ABCC1: variants seen among roughly 807,000 people sequenced by gnomAD.
ABCC1 encodes the protein multidrug resistance-associated protein 1.
ABCC1 carries 83 observed loss-of-function variants against 172.9 expected under a neutral mutation model. The ratio of observed to expected loss-of-function variants is 0.48; its 90% CI spans 0.40 to 0.58. The LOEUF (loss-of-function observed/expected upper bound fraction) is 0.58. Ranked by LOEUF, ABCC1 falls within the 20% of genes least tolerant of loss-of-function variation. The pLI is 0.00. For synonymous variants in ABCC1, 937 were observed against 825.2 expected (o/e 1.14, Z -2.32); for missense variants, 1,817 against 2,002.7 (o/e 0.91, Z 1.77).
At chr16:15,961,834 T>G (rs886412551) in intron 1 of ABCC1, among the ~76,000 whole-genome samples, 3 of 151,898 alleles carry the variant, frequency 2.0e-5, no homozygotes, top group African/African-American at 7.3e-5. Context: ...GAGCCATGTA[T>G]TCACCCATTC....
Position 15,958,695 on chromosome 16 carries a change from C to A in ABCC1, c.48+8896C>A, listed in dbSNP as rs577575084. Among the ~76,000 whole-genome samples, 15 of 152,308 alleles carry A rather than the reference C, an allele frequency of 9.8e-5. No homozygotes were observed. In the South Asian group the frequency reaches 2.1e-3, roughly 21 times the overall value. On this transcript the variant is annotated intron_variant, in intron 1 of 30. Transcript: ENST00000399410. ...AGACATCCTGAGGCAAGCTTCCCCCCGCTTAGCAAGAAAACTGGGATAGGG... is the reference window on the plus strand; with the variant it reads ...AGACATCCTGAGGCAAGCTTCCCCCAGCTTAGCAAGAAAACTGGGATAGGG...
chr16:16,057,172 T>C (rs1313835212), intron 12 of ABCC1, among the ~76,000 whole-genome samples: 1 of 144,660 alleles, frequency 6.9e-6, no homozygotes, highest in African/African-American at 2.6e-5. Context: ...TGAAACCCTG[T>C]TACTGCTTAA....
intron 23 of ABCC1, among the ~76,000 whole-genome samples, chr16:16,116,493 T>C (rs1453218259): frequency 1.3e-5 from 2 of 152,200 alleles, no homozygotes; most frequent in East Asian, 1.9e-4. Context: ...AGCAGTAATT[T>C]ATAATAATAA....
chr16:16,124,371 GCCCGGC>G (rs2045328555), intron 24 of ABCC1, among the ~76,000 whole-genome samples: 1 of 99,960 alleles, frequency 1.0e-5, no homozygotes, highest in Non-Finnish European at 2.0e-5. Flanking sequence ...GACCCACTAC[GCCCGGC>G]TGTGTGTGTG....
chr16:16,036,838 G>C (rs1055051594), intron 7 of ABCC1, among the ~76,000 whole-genome samples: 16 of 152,222 alleles, frequency 1.1e-4, no homozygotes, highest in African/African-American at 3.6e-4. Flanking sequence ...GGGTGCGGTG[G>C]CTCTCGTGTC....
rs530997571 is a variant in ABCC1 at position 15,964,544 on chromosome 16, A to G, written c.48+14745A>G. 9.1e-4 allele frequency among the ~76,000 whole-genome samples: 138 copies of G among 152,214 alleles called. 1 individual carries two copies. Among genetic ancestry groups the G allele is most frequent in the African/African-American group, 3.2e-3 (134 of 41,514 alleles). On this transcript the variant is annotated intron_variant, in intron 1 of 30. Coordinates refer to ENST00000399410, the MANE Select transcript of ABCC1 (RefSeq NM_004996.4). ...GACACAGAGCCAGACCATATCAGTA[A>G]TCTCTTGGGCTAACCAATAACCAAT...
At chr16:16,122,744 CATG>C (rs2045226796) in intron 24 of ABCC1, among the ~76,000 whole-genome samples, 1 of 147,440 alleles carries the variant, frequency 6.8e-6, no homozygotes, top group Non-Finnish European at 1.5e-5. Context: ...AGTAGCCCAT[CATG>C]GTGGTGTGTG....
chr16:16,009,800 G>T lies in ABCC1; in HGVS notation c.250G>T (p.Val84Phe), dbSNP rs766733775. The T allele has an allele frequency of 3.4e-5, 54 of 1,607,560 alleles. No homozygotes were observed. The highest frequency in any genetic ancestry group is 4.4e-5 in the Non-Finnish European group (52 of 1,177,374). ...GGCCTTGGGATTTTTGCTGTGGATC[G>T]TCTGCTGGGCAGACCTCTTCTACTC... The part of the protein sequence containing the change: ...KTALGFLLWI[V>F]CWADLFYSFW... Residue 84 changes from valine to phenylalanine, a missense_variant, in exon 3 of 31, where the codon GTC becomes TTC. Val to Phe is a conservative substitution (Grantham distance 50). Around this residue, in one of 3 missense-constraint regions of ABCC1, gnomAD observed 398 missense variants for 384.2 expected, o/e 1.04. Coordinates refer to ENST00000399410, the MANE Select transcript of ABCC1 (RefSeq NM_004996.4).
chr16:16,052,686 G>C (rs761649104), intron 10 of ABCC1, 38 bp from the exon 11 acceptor site: 24 of 1,603,434 alleles, frequency 1.5e-5, no homozygotes, highest in Middle Eastern at 1.7e-4. Context: ...GTTTTCTTCT[G>C]TCTGGTGAGT....
At chr16:16,053,380 A>G (rs2151906458) in intron 11 of ABCC1, among the ~76,000 whole-genome samples, 1 of 152,092 alleles carries the variant, frequency 6.6e-6, no homozygotes, top group Admixed American at 6.5e-5. Context: ...CAGCCTCTCA[A>G]AGTGTTGGGA....
chr16:16,061,006 G>A (rs1297805393), intron 12 of ABCC1, among the ~76,000 whole-genome samples: 5 of 151,828 alleles, frequency 3.3e-5, no homozygotes, highest in African/African-American at 9.7e-5. Flanking sequence ...TAGTAGAGAC[G>A]GGGTTTCACC....
chr16:16,039,573 G>A (rs1177737385), intron 7 of ABCC1, among the ~76,000 whole-genome samples: 1 of 151,954 alleles, frequency 6.6e-6, no homozygotes, highest in Non-Finnish European at 1.5e-5. Context: ...CCGGCTGAGA[G>A]AGGTGTTTTA....
intron 12 of ABCC1, among the ~76,000 whole-genome samples, chr16:16,067,579 G>A (rs971260649): frequency 2.6e-5 from 4 of 152,178 alleles, no homozygotes; most frequent in African/African-American, 9.7e-5. Context: ...GGGCTTGCCT[G>A]GAGAGGTGAA....
chr16:16,057,697 C>CT, intron 12 of ABCC1, among the ~76,000 whole-genome samples: 1 of 152,276 alleles, frequency 6.6e-6, no homozygotes, highest in African/African-American at 2.4e-5. Context: ...TGGAATCATA[C>CT]TGTACATAGT....
intron 1 of ABCC1, among the ~76,000 whole-genome samples, chr16:15,965,947 T>C (rs746431655): frequency 1.4e-4 from 21 of 152,294 alleles, no homozygotes; most frequent in Non-Finnish European, 2.6e-4. Context: ...GAGTGCGTAT[T>C]GGCTTATTTC....
chr16:16,122,285 C>A, intron 24 of ABCC1, 111 bp downstream of exon 24: 2 of 1,218,286 alleles, frequency 1.6e-6, no homozygotes, highest in Non-Finnish European at 2.3e-6. Context: ...CAAACCCCGG[C>A]CTTGCAGAAA....
At position 16,043,479 on chromosome 16, in the gene ABCC1, G is replaced by A. The variant is rs144641186; in HGVS notation, c.810-971G>A. On this transcript the variant is annotated intron_variant, in intron 7 of 30. Transcript: ENST00000399410. ...ATGCCGGGCTGATTTTGTATTTTTA[G>A]TAGAGATGAGGTTTCTCCATGTTTG... Among the ~76,000 whole-genome samples the A allele has an allele frequency of 7.7e-4, 117 of 151,388 alleles. 1 individual carries two copies. The highest frequency in any genetic ancestry group is 2.7e-3 in the African/African-American group (113 of 41,216).
At chr16:16,026,755 A>G (rs1458713689) in intron 5 of ABCC1, among the ~76,000 whole-genome samples, 1 of 151,992 alleles carries the variant, frequency 6.6e-6, no homozygotes, top group Admixed American at 6.6e-5. Flanking sequence ...ATCTCTATCA[A>G]AAAATCCAAA....
At chr16:16,102,816 G>A (rs1355970369) in intron 20 of ABCC1, 99 bp downstream of exon 20, 10 of 1,160,830 alleles carry the variant, frequency 8.6e-6, no homozygotes, top group Non-Finnish European at 1.1e-5. Flanking sequence ...TGAGGTCCTG[G>A]AAGGCCTGGG....
Sources: gnomAD v4.1 joint callset for allele counts (sites outside exome capture counted in the v4.1 genomes callset) on GRCh38, gnomAD v4.1.1 for gene constraint, gnomAD v4.1.1 regional missense constraint, MANE v1.5 for transcripts, NCBI Gene and HGNC (gene_info 2026-07-23, HGNC 2026-07-21) for gene names.